Variants in MSRB3 observed in about 807,000 individuals in gnomAD.
MSRB3 encodes the protein methionine sulfoxide reductase B3.
A neutral mutation model predicts 21.0 loss-of-function variants in MSRB3; 13 were observed. That is an observed-to-expected ratio of 0.62 (90% CI 0.40 to 0.98). MSRB3 has a LOEUF of 0.98. MSRB3 is among the 50% of genes least tolerant of loss of function. MSRB3 has a pLI of 0.00. For missense variants in MSRB3, 199 were observed against 230.3 expected, an observed-to-expected ratio of 0.86 and a Z score of 0.88; for synonymous variants, 87 against 88.6, an observed-to-expected ratio of 0.98 and a Z score of 0.10.
chr12:65,380,166 G>C (rs1488690199), intron 5 of MSRB3, among the ~76,000 whole-genome samples: 1 of 152,130 alleles, frequency 6.6e-6, no homozygotes, highest in Non-Finnish European at 1.5e-5. Context: ...AATATGGATA[G>C]ATATAAATAA....
At chr12:65,364,064 A>G (rs1877864016) in intron 4 of MSRB3, among the ~76,000 whole-genome samples, 1 of 152,172 alleles carries the variant, frequency 6.6e-6, no homozygotes, top group African/African-American at 2.4e-5. Flanking sequence ...TTATTGATTT[A>G]CTATTCTAAT....
chr12:65,411,075 T>C (rs1385594165), intron 5 of MSRB3, among the ~76,000 whole-genome samples: 1 of 152,184 alleles, frequency 6.6e-6, no homozygotes, highest in African/African-American at 2.4e-5. Context: ...TTCATTTAGG[T>C]ATACTTTTCA....
At chr12:65,279,049 G>A (rs1871837757) in intron 1 of MSRB3, 184 bp downstream of exon 1, 2 of 1,425,262 alleles carry the variant, frequency 1.4e-6, no homozygotes, top group Admixed American at 2.9e-5. Context: ...CCGCGCCAGC[G>A]GTGAGGGGCC....
intron 5 of MSRB3, among the ~76,000 whole-genome samples, chr12:65,444,997 T>C (rs1882548789): frequency 6.6e-6 from 1 of 152,206 alleles, no homozygotes; most frequent in Non-Finnish European, 1.5e-5. Flanking sequence ...CCAATCTGCA[T>C]CTTGAGCTTG....
chr12:65,367,407 A>C (rs1288362429), intron 4 of MSRB3, among the ~76,000 whole-genome samples: 3 of 152,232 alleles, frequency 2.0e-5, no homozygotes, highest in Non-Finnish European at 4.4e-5. Context: ...TTTAGGACCC[A>C]GGAGGAGGGA....
intron 5 of MSRB3, among the ~76,000 whole-genome samples, chr12:65,411,208 A>T (rs1371089807): frequency 6.6e-6 from 1 of 152,234 alleles, no homozygotes; most frequent in Non-Finnish European, 1.5e-5. Context: ...CATCAAGTGA[A>T]TAAACGGGTG....
chr12:65,326,968 C>A, intron 3 of MSRB3, 34 bp downstream of exon 3: 1 of 1,517,924 alleles, frequency 6.6e-7, no homozygotes, highest in Non-Finnish European at 9.1e-7. Context: ...TCATTAAGAG[C>A]TAGATTTCTT....
intron 4 of MSRB3, among the ~76,000 whole-genome samples, chr12:65,343,200 C>T (rs1876256105): frequency 1.3e-5 from 2 of 152,030 alleles, no homozygotes; most frequent in South Asian, 4.1e-4. Context: ...TTTTTAAAGG[C>T]CAAAATCCAT....
At chr12:65,395,306 A>G (rs1257135392) in intron 5 of MSRB3, among the ~76,000 whole-genome samples, 1 of 152,080 alleles carries the variant, frequency 6.6e-6, no homozygotes, top group East Asian at 1.9e-4. Flanking sequence ...GTCACTACTA[A>G]AAATACAAAA....
intron 3 of MSRB3, 114 bp from the exon 4 acceptor site, chr12:65,328,412 A>G: frequency 4.1e-6 from 3 of 735,906 alleles, no homozygotes; most frequent in South Asian, 1.6e-5. Context: ...GTTTGTTTTC[A>G]TTCTAGTACA....
chr12:65,446,399 A>G lies in MSRB3; in HGVS notation c.293-7329A>G, dbSNP rs1168991689. On this transcript the variant is annotated intron_variant, in intron 5 of 6. Coordinates refer to ENST00000308259, the MANE Select transcript of MSRB3 (RefSeq NM_001031679.3). ...GCCAGTTAAAGCGGCTAAAACTTAC[A>G]CTGATTTTGATATTTTTAATCAAGA... is the stretch of plus-strand genomic sequence containing the variant. Among the ~76,000 whole-genome samples the G allele has an allele frequency of 3.9e-5, 6 of 152,212 alleles. 2 individuals are homozygous for G. Among genetic ancestry groups the G allele is most frequent in the Admixed American group, 3.3e-4 (5 of 15,278 alleles).
At chr12:65,337,747 T>C (rs1210461021) in intron 4 of MSRB3, among the ~76,000 whole-genome samples, 1 of 152,226 alleles carries the variant, frequency 6.6e-6, no homozygotes, top group African/African-American at 2.4e-5. Flanking sequence ...GATGTCAACA[T>C]TATTGCATAT....
At chr12:65,413,938 G>GA (rs1339799985) in intron 5 of MSRB3, among the ~76,000 whole-genome samples, 1 of 152,266 alleles carries the variant, frequency 6.6e-6, no homozygotes, top group Non-Finnish European at 1.5e-5. Context: ...TATTCTGGGG[G>GA]AAAATGGTAC....
intron 4 of MSRB3, among the ~76,000 whole-genome samples, chr12:65,340,157 G>A (rs1282539571): frequency 2.0e-5 from 3 of 152,092 alleles, no homozygotes; most frequent in Non-Finnish European, 4.4e-5. Flanking sequence ...CCAGACAGCT[G>A]GAATCTATTG....
chr12:65,303,611 A>G (rs899878873), intron 1 of MSRB3, among the ~76,000 whole-genome samples: 7 of 152,202 alleles, frequency 4.6e-5, no homozygotes, highest in Admixed American at 3.9e-4. Flanking sequence ...ATAATCGGTC[A>G]TTTTCATAGT....
chr12:65,459,578 T>C (rs183170465), intron 6 of MSRB3, among the ~76,000 whole-genome samples: 1 of 152,330 alleles, frequency 6.6e-6, no homozygotes, highest in East Asian at 1.9e-4. Flanking sequence ...AGAATACTAC[T>C]GGCAAAGTAA....
At chr12:65,318,253 C>G (rs1378296534) in intron 2 of MSRB3, among the ~76,000 whole-genome samples, 1 of 151,976 alleles carries the variant, frequency 6.6e-6, no homozygotes, top group African/African-American at 2.4e-5. Flanking sequence ...TGGAAATTTG[C>G]AAAGCTGAGT....
At chr12:65,364,365 G>C (rs1381374101) in intron 4 of MSRB3, among the ~76,000 whole-genome samples, 1 of 152,142 alleles carries the variant, frequency 6.6e-6, no homozygotes, top group East Asian at 1.9e-4. Context: ...ATATTGGAAG[G>C]CAGTAACATT....
At position 65,278,866 on chromosome 12, in the gene MSRB3, G is replaced by GT; in HGVS notation, c.-52+2dup. On this transcript the variant is annotated splice_donor_variant, in intron 1 of 6. Transcript: ENST00000308259. LOFTEE classifies it low-confidence loss of function (5UTR_SPLICE). ...GCGGCTCTGGGAAGTGCGCAGTCCG[G>GT]TAAGTTCGGGCTCCCCTCCCCTCTC... 1 of 1,555,906 alleles carries GT rather than the reference G, an allele frequency of 6.4e-7. No homozygotes were observed. Among genetic ancestry groups the GT allele is most frequent in the Non-Finnish European group, 8.7e-7 (1 of 1,149,464 alleles).
Sources: allele counts gnomAD v4.1 joint callset (sites outside exome capture counted in the v4.1 genomes callset), GRCh38; gene constraint gnomAD v4.1.1; transcripts MANE v1.5; gene names NCBI Gene and HGNC (gene_info 2026-07-23, HGNC 2026-07-21).